Variants in EFNB3 observed in about 807,000 individuals in gnomAD.
The protein encoded by EFNB3 is ephrin B3.
EFNB3 carries 14 observed loss-of-function variants against 29.8 expected under a neutral mutation model. The observed-to-expected ratio is 0.47, with a 90% confidence interval of 0.31 to 0.73. The LOEUF is 0.73. Among genes scored for constraint, EFNB3 ranks in the 30% least tolerant of loss-of-function variants. The pLI is 0.05. For synonymous variants in EFNB3, 216 were observed against 191.6 expected (o/e 1.13, Z -1.05); for missense variants, 408 against 458.0 (o/e 0.89, Z 1.00).
intron 1 of EFNB3, among the ~76,000 whole-genome samples, chr17:7,706,761 A>T (rs1567583061): frequency 6.6e-6 from 1 of 152,172 alleles, no homozygotes; most frequent in Non-Finnish European, 1.5e-5. Context: ...CCTTACAGCT[A>T]TTATGAGGAT....
chr17:7,710,047 C>T lies in EFNB3; in HGVS notation c.*471C>T, dbSNP rs372562834. 5 of 216,322 alleles carry T rather than the reference C, an allele frequency of 2.3e-5. No homozygotes were observed. The highest frequency in any genetic ancestry group is 4.6e-5 in the Non-Finnish European group (5 of 109,466). The allele number at this position is 216,322 out of a possible 1,614,324, so 13.4% of individuals were successfully genotyped here. A position where few individuals can be genotyped will look rare whatever the true frequency, so the allele number is the denominator to read the frequency against. ...TCCTCCTCCCCACATCTCCTTTCACCCTCTTGGCTTCTTATCCTGTGCCTC... is the reference window on the plus strand; with the variant it reads ...TCCTCCTCCCCACATCTCCTTTCACTCTCTTGGCTTCTTATCCTGTGCCTC... On this transcript the variant is annotated 3_prime_UTR_variant, in exon 5 of 5. Transcript: ENST00000226091.
At chr17:7,706,802 C>T (rs1056810702) in intron 1 of EFNB3, among the ~76,000 whole-genome samples, 2 of 152,194 alleles carry the variant, frequency 1.3e-5, no homozygotes, top group African/African-American at 4.8e-5. Context: ...GTATTATGTG[C>T]TCATTAAAGG....
At position 7,709,539 on chromosome 17, in the gene EFNB3, C is replaced by A. The variant is rs1411191870; in HGVS notation, c.986C>A (p.Pro329His). Reference protein sequence around the residue: ...GHPVYIVQDGPPQSPPNIYYK... With the variant: ...GHPVYIVQDGHPQSPPNIYYK... Reference sequence around the variant, plus strand: ...CCTGTGTATATCGTGCAGGATGGGCCCCCCCAGAGCCCTCCAAACATCTAC... The same window carrying A: ...CCTGTGTATATCGTGCAGGATGGGCACCCCCAGAGCCCTCCAAACATCTAC... Residue 329 changes from proline to histidine, a missense_variant, in exon 5 of 5, where the codon CCC (proline) becomes CAC (histidine). Transcript: ENST00000226091. This position sits in a 1 kb window ranked among gnomAD's most constrained non-coding sequence, Gnocchi z 4.5. 1 of 1,613,734 alleles carries A rather than the reference C, an allele frequency of 6.2e-7. No homozygotes were observed. The highest frequency in any genetic ancestry group is 8.5e-7 in the Non-Finnish European group (1 of 1,179,872).
In EFNB3 at chr17:7,708,231, C is replaced by G; in HGVS notation, c.396C>G (p.His132Gln). The G allele has an allele frequency of 6.2e-7, 1 of 1,609,876 alleles. No homozygotes were observed. The highest frequency in any genetic ancestry group is 8.5e-7 in the Non-Finnish European group (1 of 1,179,958). Residue 132 changes from histidine to glutamine, a missense_variant, in exon 2 of 5, where the codon CAC becomes CAG. Around this residue, in one of 3 missense-constraint regions of EFNB3, gnomAD observed 47 missense variants for 86.6 expected, o/e 0.54. Transcript: ENST00000226091. The surrounding 1 kb of genome is among the most constrained non-coding windows in gnomAD (Gnocchi z 6.8). ...TCTGGGGCCACGAGTTCCGCTCGCA[C>G]CACGATTACTACATCATTGGTACTG... ...PNLWGHEFRSHHDYYIIATSD... is the reference protein window; with the variant it reads ...PNLWGHEFRSQHDYYIIATSD...
Position 7,708,107 on chromosome 17 carries a change from G to A in EFNB3, c.272G>A (p.Arg91His), listed in dbSNP as rs368210549. The stretch of plus-strand genomic sequence containing the variant: ...CTGGTAGGGGGTGCTCAGGGCCGGC[G>A]CTGTGAGGCACCCCCTGCCCCAAAC... Reference protein sequence around the residue: ...LYLVGGAQGRRCEAPPAPNLL... With the variant: ...LYLVGGAQGRHCEAPPAPNLL... The change falls in exon 2 of 5, where the codon CGC becomes CAC. Residue 91 changes from arginine (R) to histidine (H), a missense_variant. Physicochemically the swap from Arg to His is conservative, Grantham distance 29 (BLOSUM62 0). This residue lies in a region of EFNB3 where 128 missense variants were observed against 140.8 expected (regional missense o/e 0.91). Coordinates refer to ENST00000226091, the MANE Select transcript of EFNB3 (RefSeq NM_001406.4). This position sits in a 1 kb window ranked among gnomAD's most constrained non-coding sequence, Gnocchi z 6.8. 9.3e-6 allele frequency: 15 copies of A among 1,614,104 alleles called. No individual in the cohort carries two copies. The highest frequency in any genetic ancestry group is 1.7e-5 in the Admixed American group (1 of 60,016).
chr17:7,709,636 A>G lies in EFNB3; in HGVS notation c.*60A>G. On this transcript the variant is annotated 3_prime_UTR_variant, in exon 5 of 5. Coordinates refer to ENST00000226091, the MANE Select transcript of EFNB3 (RefSeq NM_001406.4). The surrounding 1 kb of genome is among the most constrained non-coding windows in gnomAD (Gnocchi z 4.5). ...CTTCTTGGGGTGCTCCTCCAGTTTAATTCCTGGTTTGAGGGACACCTCTAA... is the reference window on the plus strand; with the variant it reads ...CTTCTTGGGGTGCTCCTCCAGTTTAGTTCCTGGTTTGAGGGACACCTCTAA... 6.2e-7 allele frequency: 1 copy of G among 1,604,558 alleles called. No individual in the cohort carries two copies. The highest frequency in any genetic ancestry group is 8.5e-7 in the Non-Finnish European group (1 of 1,174,920).
At position 7,708,346 on chromosome 17, in the gene EFNB3, C is replaced by G. The variant is rs1384179822; in HGVS notation, c.416-89C>G. On this transcript the variant is annotated intron_variant, in intron 2 of 4. Transcript: ENST00000226091. The surrounding 1 kb of genome is among the most constrained non-coding windows in gnomAD (Gnocchi z 6.8). ...GCAGCCAAGAGGGAGATCCCAGTGC[C>G]CTCAGGCAGTGTTCACACCAGGGTG... is the stretch of plus-strand genomic sequence containing the variant. The G allele has an allele frequency of 4.4e-6, 7 of 1,582,830 alleles. No homozygotes were observed. The highest frequency in any genetic ancestry group is 6.0e-6 in the Non-Finnish European group (7 of 1,162,816).
chr17:7,707,599 C>T (rs757174473), intron 1 of EFNB3, among the ~76,000 whole-genome samples: 1 of 152,120 alleles, frequency 6.6e-6, no homozygotes, highest in African/African-American at 2.4e-5. Context: ...GAGGGGTGGG[C>T]TGTGTGGTTC....
rs755473664 is a variant in EFNB3, at chr17:7,709,237, G to C, written c.684G>C (p.Val228=). 1 of 1,599,394 alleles carries C rather than the reference G, an allele frequency of 6.3e-7. No homozygotes were observed. Among genetic ancestry groups the C allele is most frequent in the South Asian group, 1.1e-5 (1 of 90,070 alleles). Residue 228 remains valine (V), a synonymous_variant, in exon 5 of 5, where the codon GTG becomes GTC. Transcript: ENST00000226091. This position sits in a 1 kb window ranked among gnomAD's most constrained non-coding sequence, Gnocchi z 4.5. ...GPLPPPSMPA[V]AGAAGGLALL... is the part of the protein sequence containing the mutation. ...TGCCCCCTCCCAGCATGCCTGCAGT[G>C]GCTGGGGCAGCAGGGGGGCTGGCGC...
chr17:7,708,740 G>C lies in EFNB3; in HGVS notation c.613+1G>C. The C allele has an allele frequency of 6.4e-7, 1 of 1,554,718 alleles. No individual in the cohort carries two copies. Among genetic ancestry groups the C allele is most frequent in the Non-Finnish European group, 8.7e-7 (1 of 1,148,694 alleles). ...GAGCCTGGGAAGGAGAACCTGCCAG[G>C]TAGGAACCAGGGGCTAGGCCCCTGC... On this transcript the variant is annotated splice_donor_variant, in intron 4 of 4. Coordinates refer to ENST00000226091, the MANE Select transcript of EFNB3 (RefSeq NM_001406.4). LOFTEE classifies it high-confidence loss of function. The surrounding 1 kb of genome is among the most constrained non-coding windows in gnomAD (Gnocchi z 6.8).
chr17:7,707,556 G>A (rs753915096), intron 1 of EFNB3, among the ~76,000 whole-genome samples: 5 of 152,210 alleles, frequency 3.3e-5, no homozygotes, highest in Admixed American at 6.5e-5. Context: ...CTGCCCGCAT[G>A]GTTGGCTGCC....
chr17:7,708,647 G>A lies in EFNB3; in HGVS notation c.521G>A (p.Gly174Glu), dbSNP rs115591606. Residue 174 changes from glycine to glutamate, a missense_variant, in exon 4 of 5, where the codon GGG becomes GAG. Gly to Glu is a moderately conservative substitution (Grantham distance 98). This residue lies in a region of EFNB3 where 233 missense variants were observed against 230.7 expected (regional missense o/e 1.01). Transcript: ENST00000226091. The surrounding 1 kb of genome is among the most constrained non-coding windows in gnomAD (Gnocchi z 6.8). ...TCCTCATCTCCAGGTCCCCGAGGAGGGGCTGTCCCCCGAAAACCTGTGTCT... is the reference window on the plus strand; with the variant it reads ...TCCTCATCTCCAGGTCCCCGAGGAGAGGCTGTCCCCCGAAAACCTGTGTCT... Reference protein sequence around the residue: ...LLRVGQSPRGGAVPRKPVSEM... With the variant: ...LLRVGQSPRGEAVPRKPVSEM... 1.0e-5 allele frequency: 16 copies of A among 1,579,778 alleles called. No homozygotes were observed. In the African/African-American group the frequency reaches 2.2e-4, roughly 21 times the overall value.
In EFNB3 at chr17:7,710,650, A is replaced by G. The variant is rs2074346713; in HGVS notation, c.*1074A>G. 6.5e-6 allele frequency: 1 copy of G among 152,680 alleles called. No individual in the cohort carries two copies. The highest frequency in any genetic ancestry group is 1.5e-5 in the Non-Finnish European group (1 of 68,064). 9.5% of individuals were successfully genotyped at this position (152,680 alleles called of 1,614,324 possible). A position where few individuals can be genotyped will look rare whatever the true frequency, so the allele number is the denominator to read the frequency against. The stretch of plus-strand genomic sequence containing the variant: ...CGGGAAGAACTTCCTTTCAGGAGGA[A>G]GCTGGAACTTACTGACTGTAAGAGG... On this transcript the variant is annotated 3_prime_UTR_variant, in exon 5 of 5. Coordinates refer to ENST00000226091, the MANE Select transcript of EFNB3 (RefSeq NM_001406.4).
At position 7,710,001 on chromosome 17, in the gene EFNB3, G is replaced by A. The variant is rs2074344089; in HGVS notation, c.*425G>A. 1 of 274,712 alleles carries A rather than the reference G, an allele frequency of 3.6e-6. No individual in the cohort carries two copies. The highest frequency in any genetic ancestry group is 7.0e-6 in the Non-Finnish European group (1 of 143,482). 17.0% of individuals were successfully genotyped at this position (274,712 alleles called of 1,614,324 possible). ...TTCTTTCCCTCTCTTCCGTCTCTAG[G>A]TCTGTTCTTCTTCCCTAGCATCCTC... On this transcript the variant is annotated 3_prime_UTR_variant, in exon 5 of 5. Transcript: ENST00000226091.
chr17:7,708,177 C>T lies in EFNB3; in HGVS notation c.342C>T (p.Thr114=), dbSNP rs780173282. The change falls in exon 2 of 5, where the codon ACC becomes ACT. Residue 114 remains threonine (T), a synonymous_variant. Transcript: ENST00000226091. This position sits in a 1 kb window ranked among gnomAD's most constrained non-coding sequence, Gnocchi z 6.8. ...CDRPDLDLRF[T]IKFQEYSPNL... is the part of the protein sequence containing the mutation. ...GCCCAGACCTGGATCTCCGCTTCAC[C>T]ATCAAGTTCCAGGAGTATAGCCCTA... 1.2e-6 allele frequency: 2 copies of T among 1,613,590 alleles called. No homozygotes were observed. The highest frequency in any genetic ancestry group is 1.1e-5 in the South Asian group (1 of 91,086).
chr17:7,706,023 G>T (rs2074326543), intron 1 of EFNB3, among the ~76,000 whole-genome samples: 1 of 151,326 alleles, frequency 6.6e-6, no homozygotes, highest in Admixed American at 6.6e-5. Context: ...GGAGGCCTGC[G>T]TCGGGGGCTG....
In EFNB3 at chr17:7,708,521, G is replaced by A; in HGVS notation, c.502G>A (p.Gly168Arg). 1 of 1,613,572 alleles carries A rather than the reference G, an allele frequency of 6.2e-7. No homozygotes were observed. The highest frequency in any genetic ancestry group is 8.5e-7 in the Non-Finnish European group (1 of 1,179,786). ...TRGMKVLLRV[G>R]QSPRGGAVPR... ...AGGCATGAAGGTGCTTCTCCGAGTG[G>A]GACAAAGTGAGTGGGGCTGGGGGAC... The change falls in exon 3 of 5, where the codon GGA becomes AGA. Residue 168 changes from glycine to arginine, a missense_variant. Transcript: ENST00000226091. This position sits in a 1 kb window ranked among gnomAD's most constrained non-coding sequence, Gnocchi z 6.8.
chr17:7,706,980 G>T (rs1435371322), intron 1 of EFNB3, among the ~76,000 whole-genome samples: 1 of 152,190 alleles, frequency 6.6e-6, no homozygotes, highest in African/African-American at 2.4e-5. Context: ...AGTATCAGGT[G>T]TGTAGCTTGA....
Position 7,709,676 on chromosome 17 carries a change from G to T in EFNB3, c.*100G>T, listed in dbSNP as rs1267450394. ...GACACCTCTAACATCTCGGCCCCCT[G>T]TGCCCCCCCAGCCCCTTCACTCCTC... On this transcript the variant is annotated 3_prime_UTR_variant, in exon 5 of 5. Transcript: ENST00000226091. This position sits in a 1 kb window ranked among gnomAD's most constrained non-coding sequence, Gnocchi z 4.5. 1.5e-6 allele frequency: 2 copies of T among 1,308,096 alleles called. No individual in the cohort carries two copies. The highest frequency in any genetic ancestry group is 4.9e-5 in the East Asian group (2 of 41,116). 81.0% of individuals were successfully genotyped at this position (1,308,096 alleles called of 1,614,324 possible).
Sources: gnomAD v4.1 joint callset for allele counts (sites outside exome capture counted in the v4.1 genomes callset) on GRCh38, gnomAD v4.1.1 for gene constraint, gnomAD v4.1.1 regional missense constraint, Gnocchi (gnomAD v3.1) non-coding constraint, MANE v1.5 for transcripts, NCBI Gene and HGNC (gene_info 2026-07-23, HGNC 2026-07-21) for gene names.